Variants in TFF1 observed in about 807,000 individuals in gnomAD.
The protein encoded by TFF1 is trefoil factor 1, also known as breast cancer estrogen-inducible protein.
TFF1 carries 8 observed loss-of-function variants against 7.7 expected under a neutral mutation model. That is an observed-to-expected ratio of 1.04 (90% CI 0.61 to 1.87). The LOEUF is 1.87. Ranked by LOEUF, TFF1 falls within the 40% of genes most tolerant of loss-of-function variation. The probability of loss-of-function intolerance (pLI) is 0.00; values close to 1 mark genes in which losing one functional copy is unlikely to be tolerated. For synonymous variants in TFF1, 47 were observed against 44.8 expected, an observed-to-expected ratio of 1.05 and a Z score of -0.19; for missense variants, 120 against 113.4, an observed-to-expected ratio of 1.06 and a Z score of -0.26.
At chr21:42,364,736 A>T (rs899356533) in intron 1 of TFF1, among the ~76,000 whole-genome samples, 6 of 152,148 alleles carry the variant, frequency 3.9e-5, no homozygotes, top group African/African-American at 1.4e-4. Context: ...GGGGAGGCCG[A>T]GAGGGGCTGT....
Position 42,363,404 on chromosome 21 carries a change from G to T in TFF1, c.89C>A (p.Thr30Lys), listed in dbSNP as rs376522864. 6.2e-7 allele frequency: 1 copy of T among 1,613,630 alleles called. No individual in the cohort carries two copies. The highest frequency in any genetic ancestry group is 1.7e-5 in the Admixed American group (1 of 59,930). ...TCTTTCACGGGGGGCCACTGTACAC[G>T]TCTCTGAAAGTGCACAGGTAAGAAG... ...LGTLAEAQTETCTVAPRERQN... is the reference protein window; with the variant it reads ...LGTLAEAQTEKCTVAPRERQN... The change falls in exon 2 of 3, where the codon ACG becomes AAG. Residue 30 changes from threonine (T) to lysine (K), a missense_variant. Transcript: ENST00000291527.
At chr21:42,362,939 A>C (rs1343175504) in intron 2 of TFF1, among the ~76,000 whole-genome samples, 3 of 151,230 alleles carry the variant, frequency 2.0e-5, no homozygotes, top group African/African-American at 7.3e-5. Context: ...AAATGTCTTC[A>C]GATTTCGTCA....
intron 2 of TFF1, among the ~76,000 whole-genome samples, chr21:42,362,900 CAAAAAAAAAAA>C (rs34253894): frequency 8.5e-6 from 1 of 117,624 alleles, no homozygotes; most frequent in Non-Finnish European, 1.8e-5. Context: ...GACTCCATTT[CAAAAAAAAAAA>C]AAAAAAAAGA....
Position 42,365,584 on chromosome 21 carries a change from G to A in TFF1, c.85+827C>T, listed in dbSNP as rs78571814. On this transcript the variant is annotated intron_variant, in intron 1 of 2. Transcript: ENST00000291527. Reference sequence around the variant, plus strand: ...CTCTGGAAACCCTTGCTTTGGAAACGTAGAAAGCCCTTTCTCCTGCCCCCA... The same window carrying A: ...CTCTGGAAACCCTTGCTTTGGAAACATAGAAAGCCCTTTCTCCTGCCCCCA... 7.5e-4 allele frequency among the ~76,000 whole-genome samples: 114 copies of A among 152,204 alleles called. No individual in the cohort carries two copies. The East Asian group carries it at 0.015, about 20-fold the overall frequency.
Position 42,365,463 on chromosome 21 carries a change from AC to A in TFF1, c.85+947del, listed in dbSNP as rs1423870762. The stretch of plus-strand genomic sequence containing the variant: ...CTGCTCTTCTACGCTGCCCAAGCCC[AC>A]CCCTCAGGCCCGGTACCCCACAGCA... On this transcript the variant is annotated intron_variant, in intron 1 of 2. Coordinates refer to ENST00000291527, the MANE Select transcript of TFF1 (RefSeq NM_003225.3). Among the ~76,000 whole-genome samples, 8 of 151,858 alleles carry A rather than the reference AC, an allele frequency of 5.3e-5. No homozygotes were observed. The East Asian group carries it at 1.4e-3, about 26-fold the overall frequency.
At chr21:42,364,986 G>T (rs968462428) in intron 1 of TFF1, among the ~76,000 whole-genome samples, 1 of 152,110 alleles carries the variant, frequency 6.6e-6, no homozygotes, top group African/African-American at 2.4e-5. Context: ...GGTCGGGGGG[G>T]TTTCCTCCTC....
In TFF1 at chr21:42,363,037, C is replaced by T. The variant is rs73370369; in HGVS notation, c.238+218G>A. On this transcript the variant is annotated intron_variant, in intron 2 of 2. Transcript: ENST00000291527. ...TTTGGTTAGAGATGTGAAGAGAAGC[C>T]GGGGGGAAATCAGGTTTCTTCCCAA... is the stretch of plus-strand genomic sequence containing the variant. 5.4e-3 allele frequency among the ~76,000 whole-genome samples: 822 copies of T among 152,134 alleles called. 4 individuals are homozygous for T. The highest frequency in any genetic ancestry group is 0.018 in the African/African-American group (743 of 41,490).
chr21:42,366,262 G>A, intron 1 of TFF1, 149 bp downstream of exon 1: 4 of 556,824 alleles, frequency 7.2e-6, no homozygotes, highest in East Asian at 3.0e-5. Context: ...TGCTTTTGCC[G>A]ATCCTGTAAA....
rs1484911945 is a variant in TFF1, at chr21:42,366,514, A to C, written c.-19T>G. On this transcript the variant is annotated 5_prime_UTR_variant, in exon 1 of 3. Coordinates refer to ENST00000291527, the MANE Select transcript of TFF1 (RefSeq NM_003225.3). ...TGGCCATTGCCTCCTCTCTGCTCCA[A>C]AGGCGACCCCGAGTCAGGGATGAGA... 1.2e-6 allele frequency: 2 copies of C among 1,600,968 alleles called. No homozygotes were observed. Among genetic ancestry groups the C allele is most frequent in the Non-Finnish European group, 1.7e-6 (2 of 1,170,738 alleles).
intron 2 of TFF1, 125 bp downstream of exon 2, chr21:42,363,130 A>T: frequency 7.8e-7 from 1 of 1,277,100 alleles, no homozygotes; most frequent in South Asian, 1.4e-5. Context: ...CCATTGCACC[A>T]CCACTGGCGG....
intron 1 of TFF1, among the ~76,000 whole-genome samples, chr21:42,363,818 G>A (rs2052258719): frequency 6.6e-6 from 1 of 152,188 alleles, no homozygotes; most frequent in African/African-American, 2.4e-5. Context: ...ATTAATAAGA[G>A]TCTAAATATC....
chr21:42,364,106 CAA>C (rs34872461), intron 1 of TFF1, among the ~76,000 whole-genome samples: 34 of 112,776 alleles, frequency 3.0e-4, no homozygotes, highest in African/African-American at 3.9e-4. Flanking sequence ...GACTCCATCT[CAA>C]AAAAAAAAAA....
At chr21:42,365,632 G>A (rs573765685) in intron 1 of TFF1, among the ~76,000 whole-genome samples, 24 of 152,226 alleles carry the variant, frequency 1.6e-4, no homozygotes, top group African/African-American at 2.4e-4. Context: ...ACCTAATAAC[G>A]GCAAATAAGT....
At chr21:42,363,927 G>A (rs1383421472) in intron 1 of TFF1, among the ~76,000 whole-genome samples, 1 of 152,096 alleles carries the variant, frequency 6.6e-6, no homozygotes, top group African/African-American at 2.4e-5. Flanking sequence ...CCAAAATGGT[G>A]AAGCCCCATC....
Position 42,366,425 on chromosome 21 carries a change from G to C in TFF1, c.71C>G (p.Ala24Gly), listed in dbSNP as rs768668680. Reference sequence around the variant, plus strand: ...GCACGCCTTACCTGTCTGGGCCTCGGCCAGGGTGCCGAGGGCCAGCATGGA... The same window carrying C: ...GCACGCCTTACCTGTCTGGGCCTCGCCCAGGGTGCCGAGGGCCAGCATGGA... The part of the protein sequence containing the change: ...LVSMLALGTL[A>G]EAQTETCTVA... The change falls in exon 1 of 3, where the codon GCC becomes GGC. Residue 24 changes from alanine (A) to glycine (G), a missense_variant. Ala to Gly is a moderately conservative substitution (Grantham distance 60). Coordinates refer to ENST00000291527, the MANE Select transcript of TFF1 (RefSeq NM_003225.3). 1.9e-6 allele frequency: 3 copies of C among 1,611,474 alleles called. No homozygotes were observed. The South Asian group carries it at 3.3e-5, about 18-fold the overall frequency.
intron 2 of TFF1, 32 bp downstream of exon 2, chr21:42,363,223 T>G (rs758881331): frequency 1.2e-6 from 2 of 1,613,812 alleles, no homozygotes; most frequent in Non-Finnish European, 1.7e-6. Flanking sequence ...TAATTCTAAA[T>G]CTTCAGAACC....
At chr21:42,364,941 G>A (rs1009188695) in intron 1 of TFF1, among the ~76,000 whole-genome samples, 1 of 152,154 alleles carries the variant, frequency 6.6e-6, no homozygotes, top group Non-Finnish European at 1.5e-5. Flanking sequence ...GGGGTCAAGA[G>A]AGGCCCCGTG....
intron 1 of TFF1, among the ~76,000 whole-genome samples, chr21:42,365,450 G>A (rs895538543): frequency 1.3e-5 from 2 of 152,076 alleles, no homozygotes; most frequent in African/African-American, 2.4e-5. Context: ...GCTCTTCTAC[G>A]CTGCCCAAGC....
At chr21:42,363,161 A>G (rs2052252724) in intron 2 of TFF1, 94 bp downstream of exon 2, 4 of 1,540,628 alleles carry the variant, frequency 2.6e-6, no homozygotes, top group Admixed American at 3.5e-5. Context: ...GTGTAAAGGC[A>G]TAGCTGGTGA....
Sources: allele counts gnomAD v4.1 joint callset (sites outside exome capture counted in the v4.1 genomes callset), GRCh38; gene constraint gnomAD v4.1.1; transcripts MANE v1.5; gene names NCBI Gene and HGNC (gene_info 2026-07-23, HGNC 2026-07-21).